The following KCNJ4 variants were observed in gnomAD, a reference collection of about 807,000 sequenced individuals.
The protein encoded by KCNJ4 is potassium inwardly rectifying channel subfamily J member 4.
Under a neutral mutation model 25.6 loss-of-function variants are expected in KCNJ4, and 3 were observed. That is an observed-to-expected ratio of 0.12 (90% CI 0.05 to 0.30). The LOEUF (loss-of-function observed/expected upper bound fraction) is 0.30, where lower values mean the gene tolerates loss of function less well. KCNJ4 is among the 10% of genes least tolerant of loss of function. The pLI is 1.00. For missense variants in KCNJ4, 286 were observed against 666.8 expected (o/e 0.43, Z 6.29); for synonymous variants, 257 against 283.9 (o/e 0.91, Z 0.95).
rs538261595 is a variant in KCNJ4, at chr22:38,453,163, T to C, written c.-40+1817A>G. Among the ~76,000 whole-genome samples the C allele has an allele frequency of 4.6e-5, 7 of 152,224 alleles. No individual in the cohort carries two copies. In the South Asian group the frequency reaches 1.5e-3, roughly 32 times the overall value. On this transcript the variant is annotated intron_variant, in intron 1 of 1. Coordinates refer to ENST00000303592, the MANE Select transcript of KCNJ4 (RefSeq NM_152868.3). Reference sequence around the variant, plus strand: ...TCCCAGAGCTACTTCATTCTCTCTTTCGCAAATGTCTACGAACCTACTATG... The same window carrying C: ...TCCCAGAGCTACTTCATTCTCTCTTCCGCAAATGTCTACGAACCTACTATG...
intron 1 of KCNJ4, among the ~76,000 whole-genome samples, chr22:38,445,032 C>T (rs1392340929): frequency 1.3e-5 from 2 of 152,084 alleles, no homozygotes; most frequent in African/African-American, 4.8e-5. Flanking sequence ...ACCGGCTTTG[C>T]TGAGCTCCGT....
chr22:38,447,568 G>A (rs1176845502), intron 1 of KCNJ4, among the ~76,000 whole-genome samples: 1 of 152,138 alleles, frequency 6.6e-6, no homozygotes, highest in African/African-American at 2.4e-5. Flanking sequence ...CCTATGAGGA[G>A]AGGGGAGGCT....
At position 38,449,961 on chromosome 22, in the gene KCNJ4, C is replaced by T. The variant is rs547986740; in HGVS notation, c.-40+5019G>A. 2.0e-5 allele frequency among the ~76,000 whole-genome samples: 3 copies of T among 152,336 alleles called. No individual in the cohort carries two copies. Among genetic ancestry groups the T allele is most frequent in the South Asian group, 2.1e-4 (1 of 4,832 alleles). On this transcript the variant is annotated intron_variant, in intron 1 of 1. Coordinates refer to ENST00000303592, the MANE Select transcript of KCNJ4 (RefSeq NM_152868.3). The surrounding 1 kb of genome is among the most constrained non-coding windows in gnomAD (Gnocchi z 5.2). ...CCACCACCCCGTGAGCGCCCGTGTG[C>T]GCGCCTGCAGGAGCGCGCGTGTGTG... is the stretch of plus-strand genomic sequence containing the variant.
intron 1 of KCNJ4, among the ~76,000 whole-genome samples, chr22:38,437,804 T>G (rs927763433): frequency 6.6e-6 from 1 of 151,994 alleles, no homozygotes; most frequent in African/African-American, 2.4e-5. Flanking sequence ...GGAAGTGGGG[T>G]GTAGAATACT....
rs1325080507 is a variant in KCNJ4, at chr22:38,449,705, A to C, written c.-40+5275T>G. On this transcript the variant is annotated intron_variant, in intron 1 of 1. Transcript: ENST00000303592. This position sits in a 1 kb window ranked among gnomAD's most constrained non-coding sequence, Gnocchi z 5.2. ...GAACAGTGGTCTTAGAATCAGGCAA[A>C]ACCCATCCATTCAAATCCAGCCTGT... is the stretch of plus-strand genomic sequence containing the variant. Among the ~76,000 whole-genome samples, 1 of 152,176 alleles carries C rather than the reference A, an allele frequency of 6.6e-6. No homozygotes were observed. The highest frequency in any genetic ancestry group is 1.5e-5 in the Non-Finnish European group (1 of 68,014).
intron 1 of KCNJ4, among the ~76,000 whole-genome samples, chr22:38,434,735 C>T (rs1203563143): frequency 6.6e-6 from 1 of 152,188 alleles, no homozygotes; most frequent in Non-Finnish European, 1.5e-5. Context: ...GCCTCACTGT[C>T]TATCTGCAGC....
chr22:38,433,267 G>C (rs1367392531), intron 1 of KCNJ4, among the ~76,000 whole-genome samples: 9 of 152,080 alleles, frequency 5.9e-5, no homozygotes. Flanking sequence ...GACCAACATG[G>C]AGAAAACTGT....
intron 1 of KCNJ4, among the ~76,000 whole-genome samples, chr22:38,447,554 C>G (rs2089383212): frequency 6.6e-6 from 1 of 152,098 alleles, no homozygotes. Flanking sequence ...CTGGGCTTCT[C>G]AGGCCTATGA....
At chr22:38,446,555 C>T (rs1247846940) in intron 1 of KCNJ4, among the ~76,000 whole-genome samples, 1 of 152,150 alleles carries the variant, frequency 6.6e-6, no homozygotes, top group African/African-American at 2.4e-5. Context: ...GAAATCAGGC[C>T]CAGCAGTGCC....
At chr22:38,441,223 C>T (rs939343345) in intron 1 of KCNJ4, among the ~76,000 whole-genome samples, 16 of 152,136 alleles carry the variant, frequency 1.1e-4, no homozygotes, top group Admixed American at 1.0e-3. Context: ...GAGGACTGAC[C>T]ATGGTAGCCA....
At chr22:38,437,351 C>T (rs375640531) in intron 1 of KCNJ4, among the ~76,000 whole-genome samples, 9 of 152,234 alleles carry the variant, frequency 5.9e-5, no homozygotes, top group Admixed American at 5.9e-4. Flanking sequence ...TGCCCTCCCT[C>T]GAGAGCTTCC....
chr22:38,434,891 G>A (rs1199778272), intron 1 of KCNJ4, among the ~76,000 whole-genome samples: 1 of 152,214 alleles, frequency 6.6e-6, no homozygotes, highest in Non-Finnish European at 1.5e-5. Flanking sequence ...TGGAGATGAC[G>A]ATACTGGTAC....
At chr22:38,453,013 AC>A (rs991703261) in intron 1 of KCNJ4, among the ~76,000 whole-genome samples, 2 of 102,584 alleles carry the variant, frequency 1.9e-5, no homozygotes, top group Non-Finnish European at 4.0e-5. Flanking sequence ...TCCTCCTCAC[AC>A]CCCCCTTAGC....
chr22:38,429,905 C>T (rs929362482), intron 1 of KCNJ4, among the ~76,000 whole-genome samples: 5 of 152,192 alleles, frequency 3.3e-5, no homozygotes, highest in African/African-American at 1.2e-4. Flanking sequence ...AATGTTTATA[C>T]ACTTCCCCGG....
Position 38,450,950 on chromosome 22 carries a change from G to A in KCNJ4, c.-40+4030C>T, listed in dbSNP as rs534640965. On this transcript the variant is annotated intron_variant, in intron 1 of 1. Coordinates refer to ENST00000303592, the MANE Select transcript of KCNJ4 (RefSeq NM_152868.3). ...GAGACAGCCCCCGAGAATCAGACTA[G>A]TCTGAACTCACACCCAGGCTCCTCT... is the stretch of plus-strand genomic sequence containing the variant. 1.1e-3 allele frequency among the ~76,000 whole-genome samples: 169 copies of A among 152,212 alleles called. 1 individual carries two copies. The highest frequency in any genetic ancestry group is 3.4e-3 in the Middle Eastern group (1 of 294).
At chr22:38,432,604 T>C (rs780753679) in intron 1 of KCNJ4, among the ~76,000 whole-genome samples, 10 of 152,102 alleles carry the variant, frequency 6.6e-5, no homozygotes, top group Non-Finnish European at 1.3e-4. Flanking sequence ...ACCAGAGGGA[T>C]TGGTGAAATG....
In KCNJ4 at chr22:38,443,990, G is replaced by A. The variant is rs1363819367; in HGVS notation, c.-40+10990C>T. Among the ~76,000 whole-genome samples, 2 of 152,128 alleles carry A rather than the reference G, an allele frequency of 1.3e-5. No homozygotes were observed. The highest frequency in any genetic ancestry group is 6.8e-3 in the Middle Eastern group (2 of 294). On this transcript the variant is annotated intron_variant, in intron 1 of 1. Coordinates refer to ENST00000303592, the MANE Select transcript of KCNJ4 (RefSeq NM_152868.3). The surrounding 1 kb of genome is among the most constrained non-coding windows in gnomAD (Gnocchi z 4.1). The stretch of plus-strand genomic sequence containing the variant: ...ACGCACCAAGTTTATTCCTGTCTCT[G>A]GGCCTTTGCACTGGCTGTTCTTTCT...
intron 1 of KCNJ4, among the ~76,000 whole-genome samples, chr22:38,445,587 T>TC (rs1396385829): frequency 6.6e-6 from 1 of 152,094 alleles, no homozygotes; most frequent in African/African-American, 2.4e-5. Context: ...CTTGCCATCC[T>TC]CCCGCCTCGG....
chr22:38,445,470 G>C (rs968451919), intron 1 of KCNJ4, among the ~76,000 whole-genome samples: 1 of 152,166 alleles, frequency 6.6e-6, no homozygotes, highest in African/African-American at 2.4e-5. Context: ...CATCCTGTTT[G>C]TTATTTTAAC....
Sources: allele counts gnomAD v4.1 joint callset (sites outside exome capture counted in the v4.1 genomes callset), GRCh38; gene constraint gnomAD v4.1.1; non-coding constraint Gnocchi (gnomAD v3.1); transcripts MANE v1.5; gene names NCBI Gene and HGNC (gene_info 2026-07-23, HGNC 2026-07-21).